Variants in DCTN4 observed in about 807,000 individuals in gnomAD.
DCTN4 encodes the protein dynactin subunit 4.
In DCTN4, 23 loss-of-function variants were observed where a neutral mutation model predicts 62.7. The observed-to-expected ratio is 0.37, with a 90% CI of 0.26 to 0.52. The LOEUF (loss-of-function observed/expected upper bound fraction) is 0.52, where lower values mean the gene tolerates loss of function less well. Among genes scored for constraint, DCTN4 ranks in the 20% least tolerant of loss-of-function variants. The pLI is 0.92. For synonymous variants in DCTN4, 199 were observed against 202.1 expected (o/e 0.98, Z 0.13); for missense variants, 514 against 580.4 (o/e 0.89, Z 1.18).
chr5:150,726,335 G>C (rs1241630725), intron 8 of DCTN4, among the ~76,000 whole-genome samples: 4 of 152,130 alleles, frequency 2.6e-5, no homozygotes, highest in African/African-American at 9.7e-5. Context: ...CCACCTCCTC[G>C]AGACATGCAT....
At chr5:150,730,226 ACT>A (rs1175171494) in intron 8 of DCTN4, among the ~76,000 whole-genome samples, 2 of 151,466 alleles carry the variant, frequency 1.3e-5, no homozygotes, top group Non-Finnish European at 2.9e-5. Flanking sequence ...TATTGAAGAA[ACT>A]CTGTCATTTG....
intron 4 of DCTN4, among the ~76,000 whole-genome samples, chr5:150,735,186 G>C (rs910949688): frequency 4.6e-5 from 7 of 151,570 alleles, no homozygotes; most frequent in African/African-American, 1.7e-4. Context: ...ATGCTTTCTT[G>C]AAAGCGCCAC....
At chr5:150,731,219 A>G in intron 6 of DCTN4, 63 bp from the exon 7 acceptor site, 3 of 1,173,126 alleles carry the variant, frequency 2.6e-6, no homozygotes, top group Non-Finnish European at 2.6e-6. Context: ...GATCCACCTG[A>G]TTATCCTCAG....
At chr5:150,734,347 C>A (rs1760496109) in intron 4 of DCTN4, 1 of 152,232 alleles carries the variant, frequency 6.6e-6, no homozygotes, top group Admixed American at 6.5e-5. Context: ...AAACACACAT[C>A]CTCACTGGAG....
In DCTN4 at chr5:150,733,582, A is replaced by T. The variant is rs921240737; in HGVS notation, c.430-107T>A. The T allele has an allele frequency of 8.9e-6, 6 of 673,436 alleles. No homozygotes were observed. The African/African-American group carries it at 9.2e-5, about 10-fold the overall frequency. The allele number at this position is 673,436 out of a possible 1,614,324, so 41.7% of individuals were successfully genotyped here. On this transcript the variant is annotated intron_variant, in intron 4 of 12. Coordinates refer to ENST00000447998, the MANE Select transcript of DCTN4 (RefSeq NM_016221.4). ...TAATGAATAGAGAAGACAAATTATTAAGATGGGCAAGTTTGCCCTTTTTCT... is the reference window on the plus strand; with the variant it reads ...TAATGAATAGAGAAGACAAATTATTTAGATGGGCAAGTTTGCCCTTTTTCT...
intron 3 of DCTN4, among the ~76,000 whole-genome samples, chr5:150,743,891 C>A (rs1404879534): frequency 6.6e-6 from 1 of 152,232 alleles, no homozygotes. Context: ...ACCTCTCCTC[C>A]TCCAAAGGAA....
chr5:150,757,340 C>T (rs781380332), intron 1 of DCTN4, among the ~76,000 whole-genome samples: 15 of 152,078 alleles, frequency 9.9e-5, no homozygotes, highest in African/African-American at 3.6e-4. Flanking sequence ...TTCCTTTTTG[C>T]CCCCTTTCCA....
rs578075528 is a variant in DCTN4, at chr5:150,723,233, T to C, written c.835-253A>G. Among the ~76,000 whole-genome samples, 23 of 152,324 alleles carry C rather than the reference T, an allele frequency of 1.5e-4. No homozygotes were observed. In the South Asian group the frequency reaches 4.1e-3, roughly 27 times the overall value. ...ACTTAAAAACTACTAAAATAACACA[T>C]ACTGAGTACATACTGTATTTGCTAA... On this transcript the variant is annotated intron_variant, in intron 8 of 12. Transcript: ENST00000447998.
chr5:150,734,945 T>C (rs911012808), intron 4 of DCTN4, among the ~76,000 whole-genome samples: 2 of 152,124 alleles, frequency 1.3e-5, no homozygotes, highest in African/African-American at 4.8e-5. Context: ...TCCATTGGCC[T>C]GAGAACCACA....
Position 150,739,750 on chromosome 5 carries a change from AAT to A in DCTN4, c.429+2362_429+2363del, listed in dbSNP as rs566822756. On this transcript the variant is annotated intron_variant, in intron 4 of 12. Coordinates refer to ENST00000447998, the MANE Select transcript of DCTN4 (RefSeq NM_016221.4). Reference sequence around the variant, plus strand: ...ATAGGCACACAGATCAATGAAACAGAATAGAGAACCCAGAAATAAACCAAATA... The same window carrying A: ...ATAGGCACACAGATCAATGAAACAGAAGAGAACCCAGAAATAAACCAAATA... 1.1e-4 allele frequency among the ~76,000 whole-genome samples: 17 copies of A among 152,354 alleles called. No homozygotes were observed. The East Asian group carries it at 3.3e-3, about 29-fold the overall frequency.
At chr5:150,716,126 G>A (rs775166665) in intron 11 of DCTN4, among the ~76,000 whole-genome samples, 5 of 152,214 alleles carry the variant, frequency 3.3e-5, no homozygotes, top group South Asian at 4.2e-4. Flanking sequence ...AGCTGGTTTC[G>A]AACTCCTGCC....
intron 1 of DCTN4, chr5:150,758,294 T>C (rs1307083111): frequency 1.0e-6 from 1 of 985,574 alleles, no homozygotes; most frequent in African/African-American, 1.7e-5. Context: ...AAATACACTT[T>C]CAGCTTCTTA....
chr5:150,721,523 T>C (rs2113016942), intron 9 of DCTN4, among the ~76,000 whole-genome samples: 1 of 152,360 alleles, frequency 6.6e-6, no homozygotes, highest in African/African-American at 2.4e-5. Flanking sequence ...TGTGCAAGTA[T>C]GTGTTTACCC....
At chr5:150,740,626 G>A (rs28820871) in intron 4 of DCTN4, among the ~76,000 whole-genome samples, 22,904 of 152,088 alleles carry the variant, frequency 0.15, 3,109 homozygotes, top group African/African-American at 0.36. Context: ...ACAATTCACA[G>A]CCGCAAAAAT....
rs1760348093 is a variant in DCTN4 at position 150,731,146 on chromosome 5, CTTCT to C, written c.618_621del (p.Gly208ArgfsTer6). 6 of 1,607,176 alleles carry C rather than the reference CTTCT, an allele frequency of 3.7e-6. No homozygotes were observed. The highest frequency in any genetic ancestry group is 5.1e-6 in the Non-Finnish European group (6 of 1,174,640). ...ATCTTTATCTCTTTCTGATCCTCTC[CTTCT>C]TTAAGGCTGAAAAATTAAAAAAACA... On this transcript the variant is annotated frameshift_variant, in exon 7 of 13. Transcript: ENST00000447998. LOFTEE classifies it high-confidence loss of function.
intron 9 of DCTN4, 138 bp downstream of exon 9, chr5:150,722,769 A>G (rs370728030): frequency 2.8e-5 from 17 of 612,308 alleles, no homozygotes; most frequent in East Asian, 1.2e-4. Context: ...AAACCTAAAC[A>G]GGAACAGAAT....
chr5:150,759,013 A>G lies in DCTN4; in HGVS notation c.-20T>C, dbSNP rs1561715831. ...CGCCATCTTGGGGAGGGAGGAGGCG[A>G]TGACGCTCCCGGCGCATCACGTGAC... On this transcript the variant is annotated 5_prime_UTR_variant, in exon 1 of 13. Transcript: ENST00000447998. 4.3e-6 allele frequency: 7 copies of G among 1,611,832 alleles called. No homozygotes were observed. Among genetic ancestry groups the G allele is most frequent in the Non-Finnish European group, 3.4e-6 (4 of 1,178,298 alleles).
Position 150,758,989 on chromosome 5 carries a change from G to T in DCTN4, c.5C>A (p.Ala2Glu). 5 of 1,613,874 alleles carry T rather than the reference G, an allele frequency of 3.1e-6. No homozygotes were observed. The highest frequency in any genetic ancestry group is 1.7e-4 in the Middle Eastern group (1 of 6,058). The change falls in exon 1 of 13, where the codon GCG becomes GAG. Residue 2 changes from alanine to glutamate, a missense_variant. Physicochemically the swap from Ala to Glu is moderately radical, Grantham distance 107 (BLOSUM62 -1). Transcript: ENST00000447998. Reference protein sequence around the residue: MASLLQSDRVLY... With the variant: MESLLQSDRVLY... ...AACCCGGTCCGACTGCAGCAAGGAC[G>T]CCATCTTGGGGAGGGAGGAGGCGAT...
Position 150,731,500 on chromosome 5 carries a change from T to A in DCTN4, c.538-11A>T, listed in dbSNP as rs756868407. On this transcript the variant is annotated splice_polypyrimidine_tract_variant and intron_variant, in intron 5 of 12. Coordinates refer to ENST00000447998, the MANE Select transcript of DCTN4 (RefSeq NM_016221.4). ...AAGACCATATTTGTCCTAAACAAAG[T>A]TCAGAAATTCCTATTAGAAAGTCCA... is the stretch of plus-strand genomic sequence containing the variant. The A allele has an allele frequency of 6.2e-7, 1 of 1,610,214 alleles. No individual in the cohort carries two copies. The highest frequency in any genetic ancestry group is 1.7e-5 in the Admixed American group (1 of 59,700).
Sources: gnomAD v4.1 joint callset for allele counts (sites outside exome capture counted in the v4.1 genomes callset) on GRCh38, gnomAD v4.1.1 for gene constraint, MANE v1.5 for transcripts, NCBI Gene and HGNC (gene_info 2026-07-23, HGNC 2026-07-21) for gene names.